Variants in SPIRE1 observed in about 807,000 individuals in gnomAD.
SPIRE1 encodes spire type actin nucleation factor 1.
A neutral mutation model predicts 94.1 loss-of-function variants in SPIRE1; 40 were observed. The ratio of observed to expected loss-of-function variants is 0.43; its 90% CI spans 0.33 to 0.55. SPIRE1 has a LOEUF of 0.55. Among genes scored for constraint, SPIRE1 ranks in the 20% least tolerant of loss-of-function variants. SPIRE1 has a pLI of 0.06. For synonymous variants in SPIRE1, 376 were observed against 371.7 expected, an observed-to-expected ratio of 1.01 and a Z score of -0.13; for missense variants, 838 against 975.2, an observed-to-expected ratio of 0.86 and a Z score of 1.87.
At chr18:12,496,957 A>C (rs1329575094) in intron 6 of SPIRE1, among the ~76,000 whole-genome samples, 1 of 152,178 alleles carries the variant, frequency 6.6e-6, no homozygotes, top group Non-Finnish European at 1.5e-5. Context: ...AATTCCAGCT[A>C]CTTGGGAAGC....
chr18:12,512,405 T>C lies in SPIRE1; in HGVS notation c.807+49A>G, dbSNP rs773781552. 3.9e-5 allele frequency: 51 copies of C among 1,323,124 alleles called. No individual in the cohort carries two copies. In the Admixed American group the frequency reaches 9.9e-4, roughly 26 times the overall value. The allele number at this position is 1,323,124 out of a possible 1,614,324, so 82.0% of individuals were successfully genotyped here. ...CTGTCTCAAAAAAAAAAAAAAATTA[T>C]ACTATTTCTTAGACAGTAAACAGAT... On this transcript the variant is annotated intron_variant, in intron 5 of 16. Transcript: ENST00000409402.
Position 12,635,061 on chromosome 18 carries a change from CCT to C in SPIRE1, c.371_372del (p.Glu124GlyfsTer3). 6.9e-7 allele frequency: 1 copy of C among 1,451,374 alleles called. No homozygotes were observed. The highest frequency in any genetic ancestry group is 9.4e-7 in the Non-Finnish European group (1 of 1,059,572). 89.9% of individuals were successfully genotyped at this position (1,451,374 alleles called of 1,614,324 possible). ...AAGAAATATTTGAGTATTTCACTTA[CCT>C]CTGTTTCCATACATTGTGAATATCC... is the stretch of plus-strand genomic sequence containing the variant. Reference protein sequence around the residue: ...KLGYSQCMETEVIESLGIIIY... With the variant: ...KLGYSQCMETXVIESLGIIIY... On this transcript the variant is annotated frameshift_variant and splice_region_variant, in exon 2 of 17. Coordinates refer to ENST00000409402, the MANE Select transcript of SPIRE1 (RefSeq NM_001128626.2). LOFTEE classifies it high-confidence loss of function.
At chr18:12,599,567 G>C (rs947747185) in intron 2 of SPIRE1, among the ~76,000 whole-genome samples, 1 of 152,108 alleles carries the variant, frequency 6.6e-6, no homozygotes, top group Non-Finnish European at 1.5e-5. Context: ...TCCCTCTTTA[G>C]TCTCCTTTAA....
At chr18:12,514,936 T>C (rs61027502) in intron 4 of SPIRE1, among the ~76,000 whole-genome samples, 7,014 of 152,238 alleles carry the variant, frequency 0.046, 173 homozygotes, top group South Asian at 0.096. Context: ...CAGCATCAAA[T>C]AAGCTGGTTT....
intron 2 of SPIRE1, among the ~76,000 whole-genome samples, chr18:12,589,804 G>C (rs2036481514): frequency 6.6e-6 from 1 of 152,128 alleles, no homozygotes; most frequent in Admixed American, 6.5e-5. Context: ...TTTTATCTAT[G>C]TCAAAACAGG....
chr18:12,525,888 T>C lies in SPIRE1; in HGVS notation c.729+9588A>G, dbSNP rs1403800674. 2.6e-5 allele frequency among the ~76,000 whole-genome samples: 4 copies of C among 152,138 alleles called. No homozygotes were observed. In the East Asian group the frequency reaches 7.7e-4, roughly 29 times the overall value. On this transcript the variant is annotated intron_variant, in intron 4 of 16. Coordinates refer to ENST00000409402, the MANE Select transcript of SPIRE1 (RefSeq NM_001128626.2). ...TCCCTAGGATGCAGTTCATCTTCTTTGCCATGATGCCTTGCTCATTAGGGG... is the reference window on the plus strand; with the variant it reads ...TCCCTAGGATGCAGTTCATCTTCTTCGCCATGATGCCTTGCTCATTAGGGG...
At chr18:12,574,909 A>G (rs966382830) in intron 2 of SPIRE1, among the ~76,000 whole-genome samples, 1 of 152,252 alleles carries the variant, frequency 6.6e-6, no homozygotes, top group African/African-American at 2.4e-5. Flanking sequence ...CTGAATGTGG[A>G]TAAGAAGTAA....
At chr18:12,452,661 G>T in intron 14 of SPIRE1, 149 bp from the exon 15 acceptor site, 1 of 789,558 alleles carries the variant, frequency 1.3e-6, no homozygotes, top group Non-Finnish European at 2.1e-6. Context: ...TTGACACACT[G>T]AATTGCCAAA....
upstream of SPIRE1, chr18:12,658,200 C>G (rs898526974): frequency 1.5e-6 from 1 of 646,496 alleles, no homozygotes; most frequent in African/African-American, 2.0e-5. Flanking sequence ...GATGCACGCT[C>G]TGGAGGTGAG....
At chr18:12,634,202 C>T (rs1363834042) in intron 2 of SPIRE1, among the ~76,000 whole-genome samples, 2 of 151,424 alleles carry the variant, frequency 1.3e-5, no homozygotes, top group African/African-American at 2.4e-5. Flanking sequence ...GAGCTGAGAT[C>T]GTGCCACTGC....
chr18:12,643,496 T>C (rs1029477302), intron 1 of SPIRE1, among the ~76,000 whole-genome samples: 1 of 152,196 alleles, frequency 6.6e-6, no homozygotes, highest in Admixed American at 6.5e-5. Context: ...CTCCTGCCCC[T>C]CTGTGGCATC....
chr18:12,631,362 A>G (rs1183354879), intron 2 of SPIRE1, among the ~76,000 whole-genome samples: 3 of 152,016 alleles, frequency 2.0e-5, no homozygotes, highest in Non-Finnish European at 4.4e-5. Context: ...CATTAAAAAA[A>G]TGAGAACAGT....
intron 4 of SPIRE1, among the ~76,000 whole-genome samples, chr18:12,532,135 G>A (rs1393962247): frequency 6.6e-6 from 1 of 152,164 alleles, no homozygotes; most frequent in Non-Finnish European, 1.5e-5. Context: ...TTAAAAGAAT[G>A]ACCTTAAAGG....
In SPIRE1 at chr18:12,619,508, G is replaced by C. The variant is rs151007941; in HGVS notation, c.372+15554C>G. 1.1e-4 allele frequency among the ~76,000 whole-genome samples: 17 copies of C among 149,328 alleles called. No individual in the cohort carries two copies. The East Asian group carries it at 3.5e-3, about 30-fold the overall frequency. On this transcript the variant is annotated intron_variant, in intron 2 of 16. Coordinates refer to ENST00000409402, the MANE Select transcript of SPIRE1 (RefSeq NM_001128626.2). ...GGGCGATACAGCGAGACTCCGTCTCGAAAAACAAATTTAAATAAACAAATA... is the reference window on the plus strand; with the variant it reads ...GGGCGATACAGCGAGACTCCGTCTCCAAAAACAAATTTAAATAAACAAATA...
intron 2 of SPIRE1, among the ~76,000 whole-genome samples, chr18:12,574,021 G>A (rs1475245922): frequency 6.6e-6 from 1 of 152,172 alleles, no homozygotes; most frequent in Non-Finnish European, 1.5e-5. Flanking sequence ...TTACAGGCGT[G>A]AGCCACCGCT....
intron 2 of SPIRE1, among the ~76,000 whole-genome samples, chr18:12,600,976 A>C (rs1157540254): frequency 4.0e-5 from 6 of 151,496 alleles, no homozygotes; most frequent in Admixed American, 3.3e-4. Flanking sequence ...CCTGCCTCGG[A>C]CTCCTAAACA....
intron 1 of SPIRE1, among the ~76,000 whole-genome samples, chr18:12,648,648 G>C (rs1253980380): frequency 1.3e-5 from 2 of 152,082 alleles, no homozygotes; most frequent in Admixed American, 1.3e-4. Context: ...CCAGCACTTT[G>C]GGAGGCCGAG....
intron 4 of SPIRE1, among the ~76,000 whole-genome samples, chr18:12,524,316 C>T (rs575678330): frequency 1.3e-5 from 2 of 152,294 alleles, no homozygotes; most frequent in South Asian, 4.1e-4. Context: ...ATCCTCCCAT[C>T]CTAGGATTTC....
chr18:12,578,945 T>G (rs2036183012), intron 2 of SPIRE1, among the ~76,000 whole-genome samples: 2 of 152,080 alleles, frequency 1.3e-5, no homozygotes, highest in Admixed American at 6.6e-5. Flanking sequence ...TAAAGAAAAT[T>G]TGCAGCAATA....
Sources: allele counts gnomAD v4.1 joint callset (sites outside exome capture counted in the v4.1 genomes callset), GRCh38; gene constraint gnomAD v4.1.1; transcripts MANE v1.5; gene names NCBI Gene and HGNC (gene_info 2026-07-23, HGNC 2026-07-21).